CMTR1: variants seen among roughly 807,000 people sequenced by gnomAD.
CMTR1 encodes the protein cap-specific mRNA (nucleoside-2'-O-)-methyltransferase 1.
In CMTR1, 39 loss-of-function variants were observed where a neutral mutation model predicts 107.0. The ratio of observed to expected loss-of-function variants is 0.36; its 90% CI spans 0.28 to 0.48. The LOEUF is 0.48. CMTR1 is among the 20% of genes least tolerant of loss of function. The pLI is 0.99. For missense variants in CMTR1, 672 were observed against 1,064.9 expected (o/e 0.63, Z 5.14); for synonymous variants, 366 against 379.5 (o/e 0.96, Z 0.41).
chr6:37,470,398 A>G (rs1160360338), intron 13 of CMTR1, among the ~76,000 whole-genome samples: 2 of 152,064 alleles, frequency 1.3e-5, no homozygotes. Context: ...CGCCCGCCTC[A>G]GCCTCCCAAA....
the CMTR1 span, among the ~76,000 whole-genome samples, chr6:37,424,367 C>T: frequency 2.0e-5 from 3 of 151,524 alleles, no homozygotes; most frequent in South Asian, 2.1e-4. Context: ...CTCAGCCTCC[C>T]GAGTAGGTGG....
chr6:37,464,424 G>A (rs757862914), intron 13 of CMTR1, among the ~76,000 whole-genome samples: 27 of 150,120 alleles, frequency 1.8e-4, no homozygotes, highest in Non-Finnish European at 3.0e-4. Context: ...CCGAGATCGC[G>A]CCACTGCACT....
At chr6:37,451,264 G>C (rs1761161868) in intron 5 of CMTR1, among the ~76,000 whole-genome samples, 2 of 152,172 alleles carry the variant, frequency 1.3e-5, no homozygotes, top group South Asian at 4.2e-4. Flanking sequence ...ATTTTTATGA[G>C]TGTAAAACCT....
intron 5 of CMTR1, 74 bp from the exon 6 acceptor site, chr6:37,451,732 C>A: frequency 9.1e-7 from 1 of 1,102,662 alleles, no homozygotes; most frequent in Non-Finnish European, 1.4e-6. Context: ...TTACTTGGAA[C>A]CCTAATTTCT....
At position 37,480,936 on chromosome 6, in the gene CMTR1, G is replaced by A. The variant is rs1017878684; in HGVS notation, c.*791G>A. 57 of 1,230,362 alleles carry A rather than the reference G, an allele frequency of 4.6e-5. No homozygotes were observed. Among genetic ancestry groups the A allele is most frequent in the Admixed American group, 1.5e-4 (5 of 33,746 alleles). 76.2% of individuals were successfully genotyped at this position (1,230,362 alleles called of 1,614,324 possible). On this transcript the variant is annotated 3_prime_UTR_variant, in exon 24 of 24. Transcript: ENST00000373451. ...TGGCAGGAAGCAGCCTTGAAGACCC[G>A]TCTTTCCCCCACAGCAGCAGGGGCC...
At chr6:37,430,420 A>ATC (rs1771346639), upstream of CMTR1, among the ~76,000 whole-genome samples, 1 of 151,888 alleles carries the variant, frequency 6.6e-6, no homozygotes, top group Non-Finnish European at 1.5e-5. Context: ...GTATATATAT[A>ATC]TATAAGAGAT....
At chr6:37,468,184 T>A (rs936807170) in intron 13 of CMTR1, among the ~76,000 whole-genome samples, 1 of 151,780 alleles carries the variant, frequency 6.6e-6, no homozygotes, top group East Asian at 1.9e-4. Context: ...TATGTTTCAA[T>A]TGTTGCTGTA....
At chr6:37,428,002 CAGAGACAGAGAGAGAGAGAGAG>C in the CMTR1 span, among the ~76,000 whole-genome samples, 7 of 87,638 alleles carry the variant, frequency 8.0e-5, no homozygotes, top group African/African-American at 2.9e-4. Flanking sequence ...ACCTAAGCAA[CAGAGACAGAGAGAGAGAGAGAG>C]AGAGAGAGAG....
intron 10 of CMTR1, among the ~76,000 whole-genome samples, chr6:37,461,207 A>G (rs893769783): frequency 5.9e-5 from 9 of 152,208 alleles, no homozygotes; most frequent in South Asian, 2.1e-4. Flanking sequence ...ACCTCTGACT[A>G]GCCAATATTT....
At chr6:37,435,585 G>A in intron 1 of CMTR1, 39 bp from the exon 2 acceptor site, 1 of 1,576,414 alleles carries the variant, frequency 6.3e-7, no homozygotes, top group Non-Finnish European at 8.6e-7. Context: ...CAGTGGCTGT[G>A]ACCCAAGGGC....
chr6:37,429,387 T>C (rs1771335142), upstream of CMTR1, among the ~76,000 whole-genome samples: 1 of 152,236 alleles, frequency 6.6e-6, no homozygotes, highest in Non-Finnish European at 1.5e-5. Flanking sequence ...ATCTTAACCA[T>C]TTTTAAGTGT....
intron 9 of CMTR1, 104 bp from the exon 10 acceptor site, chr6:37,459,462 C>A (rs1262662357): frequency 1.1e-6 from 1 of 914,712 alleles, no homozygotes; most frequent in Non-Finnish European, 1.8e-6. Flanking sequence ...GGCCCTAGTT[C>A]TTGAGACACC....
intron 3 of CMTR1, among the ~76,000 whole-genome samples, chr6:37,444,995 C>T (rs1488337288): frequency 6.6e-6 from 1 of 152,144 alleles, no homozygotes; most frequent in Admixed American, 6.5e-5. Flanking sequence ...CACTGCACTC[C>T]AGCCTAATTA....
intron 4 of CMTR1, among the ~76,000 whole-genome samples, chr6:37,449,264 TTA>T (rs1323981246): frequency 5.6e-5 from 8 of 142,448 alleles, no homozygotes; most frequent in Middle Eastern, 3.5e-3. Context: ...CAGTACTATT[TTA>T]TGTTTTGTTA....
chr6:37,441,465 A>G (rs1452568771), intron 2 of CMTR1, among the ~76,000 whole-genome samples: 1 of 150,712 alleles, frequency 6.6e-6, no homozygotes, highest in Non-Finnish European at 1.5e-5. Flanking sequence ...CCCAGGCTGG[A>G]GTGCAATGGC....
Position 37,446,545 on chromosome 6 carries a change from G to GC in CMTR1, c.444+97dup. 4.3e-6 allele frequency: 6 copies of GC among 1,391,442 alleles called. No individual in the cohort carries two copies. The South Asian group carries it at 8.0e-5, about 19-fold the overall frequency. 86.2% of individuals were successfully genotyped at this position (1,391,442 alleles called of 1,614,324 possible). A position where few individuals can be genotyped will look rare whatever the true frequency, so the allele number is the denominator to read the frequency against. ...ATCAACAAACTAGAAATCTCCAGAG[G>GC]CAGTATGAGCAAAGTGGAATTAGTT... On this transcript the variant is annotated intron_variant, in intron 4 of 23. Transcript: ENST00000373451.
chr6:37,479,436 C>G (rs528817237), intron 23 of CMTR1, among the ~76,000 whole-genome samples, 181 bp downstream of exon 23: 1 of 152,240 alleles, frequency 6.6e-6, no homozygotes, highest in African/African-American at 2.4e-5. Flanking sequence ...GTGGCTGGAC[C>G]TGGGTAGAGC....
intron 13 of CMTR1, among the ~76,000 whole-genome samples, chr6:37,464,875 C>G (rs1561789394): frequency 6.7e-6 from 1 of 149,040 alleles, no homozygotes; most frequent in African/African-American, 2.5e-5. Flanking sequence ...TAAAATACCA[C>G]ATAGTTTTCT....
chr6:37,424,337 G>C, the CMTR1 span, among the ~76,000 whole-genome samples: 3 of 151,626 alleles, frequency 2.0e-5, no homozygotes, highest in Non-Finnish European at 4.4e-5. Context: ...GCGCCTCCTG[G>C]GTTCATGACA....
Sources: gnomAD v4.1 joint callset for allele counts (sites outside exome capture counted in the v4.1 genomes callset) on GRCh38, gnomAD v4.1.1 for gene constraint, MANE v1.5 for transcripts, NCBI Gene and HGNC (gene_info 2026-07-23, HGNC 2026-07-21) for gene names.